The following CLIC4 variants were observed in gnomAD, a reference collection of about 807,000 sequenced individuals.
The protein encoded by CLIC4 is CLIC family member 4.
Under a neutral mutation model 24.6 loss-of-function variants are expected in CLIC4, and 13 were observed. The ratio of observed to expected loss-of-function variants is 0.53; its 90% CI spans 0.34 to 0.84. The LOEUF (loss-of-function observed/expected upper bound fraction) is 0.84, where lower values mean the gene tolerates loss of function less well. Among genes scored for constraint, CLIC4 ranks in the 40% least tolerant of loss-of-function variants. The pLI is 0.01. For missense variants in CLIC4, 227 were observed against 301.7 expected, an observed-to-expected ratio of 0.75 and a Z score of 1.83; for synonymous variants, 104 against 111.3, an observed-to-expected ratio of 0.93 and a Z score of 0.41.
chr1:24,785,003 C>CAA (rs371409071), intron 1 of CLIC4, among the ~76,000 whole-genome samples: 1,980 of 121,888 alleles, frequency 0.016, 44 homozygotes, highest in African/African-American at 0.057. Context: ...GACTCTGTCT[C>CAA]AAAAAAAAAA....
At chr1:24,775,662 A>G (rs1247198839) in intron 1 of CLIC4, among the ~76,000 whole-genome samples, 1 of 151,148 alleles carries the variant, frequency 6.6e-6, no homozygotes, top group Non-Finnish European at 1.5e-5. Flanking sequence ...TAGTTCTAGA[A>G]TTTACATTTT....
intron 1 of CLIC4, among the ~76,000 whole-genome samples, chr1:24,751,846 A>C (rs1313317849): frequency 1.3e-5 from 2 of 152,216 alleles, no homozygotes; most frequent in Non-Finnish European, 2.9e-5. Context: ...CCTGAGGGAC[A>C]AGAGCAAGAC....
At chr1:24,835,424 G>A (rs1639876767) in intron 4 of CLIC4, among the ~76,000 whole-genome samples, 2 of 152,192 alleles carry the variant, frequency 1.3e-5, no homozygotes, top group African/African-American at 2.4e-5. Flanking sequence ...TCAGCCAGGC[G>A]TGGTTGCTCA....
chr1:24,772,726 C>T (rs1022778903), intron 1 of CLIC4, among the ~76,000 whole-genome samples: 4 of 152,188 alleles, frequency 2.6e-5, no homozygotes, highest in East Asian at 1.9e-4. Context: ...CCTCATGATC[C>T]ACCCACCTTG....
intron 1 of CLIC4, among the ~76,000 whole-genome samples, chr1:24,778,367 A>G (rs1458484440): frequency 6.6e-6 from 1 of 152,206 alleles, no homozygotes; most frequent in Non-Finnish European, 1.5e-5. Flanking sequence ...CTAGTTTTAT[A>G]TAGTGCATGT....
rs186887857 is a variant in CLIC4, at chr1:24,843,704, C to T, written c.*2767C>T. The stretch of plus-strand genomic sequence containing the variant: ...CACAATTTATCTTTAAATCCTTGAG[C>T]AATCTGTATACAATTAAGAGATTTC... On this transcript the variant is annotated 3_prime_UTR_variant, in exon 6 of 6. Coordinates refer to ENST00000374379, the MANE Select transcript of CLIC4 (RefSeq NM_013943.3). 9 of 152,552 alleles carry T rather than the reference C, an allele frequency of 5.9e-5. No homozygotes were observed. Among genetic ancestry groups the T allele is most frequent in the South Asian group, 2.1e-4 (1 of 4,828 alleles). 9.4% of individuals were successfully genotyped at this position (152,552 alleles called of 1,614,324 possible). A position where few individuals can be genotyped will look rare whatever the true frequency, so the allele number is the denominator to read the frequency against.
At chr1:24,809,988 C>G (rs1639595882) in intron 2 of CLIC4, among the ~76,000 whole-genome samples, 1 of 152,188 alleles carries the variant, frequency 6.6e-6, no homozygotes, top group African/African-American at 2.4e-5. Flanking sequence ...ATAGAATAAA[C>G]TTCTCCGTAA....
intron 2 of CLIC4, among the ~76,000 whole-genome samples, chr1:24,799,752 G>GGC (rs1639457424): frequency 7.8e-6 from 1 of 127,682 alleles, no homozygotes; most frequent in African/African-American, 2.9e-5. Flanking sequence ...GGAGGTGGGG[G>GGC]GGTCAGCCCC....
intron 3 of CLIC4, among the ~76,000 whole-genome samples, chr1:24,819,054 C>T (rs1262256757): frequency 6.6e-6 from 1 of 152,068 alleles, no homozygotes; most frequent in Non-Finnish European, 1.5e-5. Context: ...GCAACAACAC[C>T]TCTGTCTATA....
intron 2 of CLIC4, chr1:24,798,063 T>C (rs899886251): frequency 9.7e-6 from 4 of 414,454 alleles, no homozygotes; most frequent in African/African-American, 8.4e-5. Context: ...GGAACTTTTG[T>C]ATGTTTACCT....
At chr1:24,808,086 A>G (rs1639571928) in intron 2 of CLIC4, among the ~76,000 whole-genome samples, 1 of 152,040 alleles carries the variant, frequency 6.6e-6, no homozygotes, top group South Asian at 2.1e-4. Flanking sequence ...AACTGGGATT[A>G]CAGGCGTGCG....
intron 3 of CLIC4, among the ~76,000 whole-genome samples, chr1:24,824,714 A>G (rs901778382): frequency 1.3e-5 from 2 of 151,666 alleles, no homozygotes; most frequent in Non-Finnish European, 2.9e-5. Flanking sequence ...AATTAATAGT[A>G]CAGGCTGGGT....
Position 24,782,294 on chromosome 1 carries a change from C to G in CLIC4, c.73-15448C>G, listed in dbSNP as rs1157077664. Among the ~76,000 whole-genome samples the G allele has an allele frequency of 2.6e-5, 4 of 152,174 alleles. No homozygotes were observed. The South Asian group carries it at 8.3e-4, about 32-fold the overall frequency. On this transcript the variant is annotated intron_variant, in intron 1 of 5. Coordinates refer to ENST00000374379, the MANE Select transcript of CLIC4 (RefSeq NM_013943.3). The stretch of plus-strand genomic sequence containing the variant: ...CTTTTGAGAAAATATTAAACAGGTG[C>G]TTTTTTATTTGTAGTAAGGTCATGG...
In CLIC4 at chr1:24,839,889, C is replaced by T; in HGVS notation, c.445C>T (p.Gln149Ter). The T allele has an allele frequency of 6.2e-7, 1 of 1,612,106 alleles. No homozygotes were observed. The highest frequency in any genetic ancestry group is 8.5e-7 in the Non-Finnish European group (1 of 1,179,838). Reference sequence around the variant, plus strand: ...GGAGAGGGGTCTCCTGAAAACCCTGCAGAAACTGGATGAATATCTGAATTC... The same window carrying T: ...GGAGAGGGGTCTCCTGAAAACCCTGTAGAAACTGGATGAATATCTGAATTC... ...ALERGLLKTL[Q>*]KLDEYLNSPL... The change falls in exon 5 of 6, where the codon CAG becomes TAG. Residue 149 changes from glutamine to a stop codon, truncating the protein, a stop_gained. Coordinates refer to ENST00000374379, the MANE Select transcript of CLIC4 (RefSeq NM_013943.3). LOFTEE classifies it high-confidence loss of function.
intron 2 of CLIC4, among the ~76,000 whole-genome samples, chr1:24,800,355 C>T (rs1386677531): frequency 1.8e-4 from 24 of 132,484 alleles, no homozygotes; most frequent in African/African-American, 7.2e-4. Flanking sequence ...GGGGGGTCAG[C>T]CCCCCACCCG....
chr1:24,805,104 A>AAAAAAAAAAAAAAAAAAAAAAAAAAG (rs1639535945), intron 2 of CLIC4, among the ~76,000 whole-genome samples: 1 of 127,420 alleles, frequency 7.8e-6, no homozygotes. Flanking sequence ...AAAAAAAAAA[A>AAAAAAAAAAAAAAAAAAAAAAAAAAG]ACACAAAAAC....
intron 1 of CLIC4, among the ~76,000 whole-genome samples, chr1:24,755,284 C>CA (rs1458023791): frequency 2.0e-5 from 3 of 150,486 alleles, no homozygotes; most frequent in African/African-American, 7.3e-5. Context: ...ACTAAAAATA[C>CA]AAAAATTAGC....
At chr1:24,773,263 A>G (rs556169252) in intron 1 of CLIC4, among the ~76,000 whole-genome samples, 1 of 152,322 alleles carries the variant, frequency 6.6e-6, no homozygotes, top group Non-Finnish European at 1.5e-5. Flanking sequence ...TGGAGTGTCT[A>G]GTTAAAATTG....
intron 1 of CLIC4, among the ~76,000 whole-genome samples, chr1:24,774,798 C>T (rs1282413525): frequency 2.6e-5 from 4 of 151,892 alleles, no homozygotes; most frequent in African/African-American, 7.3e-5. Context: ...GGACCGAGGG[C>T]AGTGGCTCAT....
Sources: allele counts gnomAD v4.1 joint callset (sites outside exome capture counted in the v4.1 genomes callset), GRCh38; gene constraint gnomAD v4.1.1; transcripts MANE v1.5; gene names NCBI Gene and HGNC (gene_info 2026-07-23, HGNC 2026-07-21).